The following SLC5A1 variants were observed in gnomAD, a reference collection of about 807,000 sequenced individuals.
SLC5A1 encodes the protein sodium/glucose cotransporter 1.
A neutral mutation model predicts 73.5 loss-of-function variants in SLC5A1; 42 were observed. The ratio of observed to expected loss-of-function variants is 0.57; its 90% CI spans 0.45 to 0.74. The LOEUF (loss-of-function observed/expected upper bound fraction) is 0.74, where lower values mean the gene tolerates loss of function less well. SLC5A1 is among the 30% of genes least tolerant of loss of function. SLC5A1 has a pLI of 0.00. For synonymous variants in SLC5A1, 300 were observed against 317.4 expected (o/e 0.95, Z 0.58); for missense variants, 634 against 855.4 (o/e 0.74, Z 3.23).
intron 2 of SLC5A1, among the ~76,000 whole-genome samples, chr22:32,056,878 C>T (rs1037114714): frequency 2.0e-5 from 3 of 152,174 alleles, no homozygotes; most frequent in African/African-American, 7.2e-5. Flanking sequence ...TCAGGGTAAT[C>T]TATAAAAACA....
chr22:32,092,061 C>A (rs2094018783), intron 11 of SLC5A1, among the ~76,000 whole-genome samples: 1 of 152,122 alleles, frequency 6.6e-6, no homozygotes, highest in Non-Finnish European at 1.5e-5. Flanking sequence ...GCATTATACA[C>A]TGAACCCAAT....
At chr22:32,076,163 G>A (rs985436836) in intron 5 of SLC5A1, among the ~76,000 whole-genome samples, 2 of 152,220 alleles carry the variant, frequency 1.3e-5, no homozygotes, top group African/African-American at 4.8e-5. Context: ...TAATGGGAGA[G>A]AGGAGAAAGT....
intron 3 of SLC5A1, among the ~76,000 whole-genome samples, 167 bp downstream of exon 3, chr22:32,067,206 C>CT (rs1967370521): frequency 6.6e-6 from 1 of 152,178 alleles, no homozygotes; most frequent in Non-Finnish European, 1.5e-5. Context: ...GCCCTGCTCC[C>CT]TTTCCACCAG....
intron 5 of SLC5A1, among the ~76,000 whole-genome samples, chr22:32,074,651 A>G (rs1173377896): frequency 6.6e-6 from 1 of 152,142 alleles, no homozygotes; most frequent in Non-Finnish European, 1.5e-5. Context: ...TTATAATTAA[A>G]AACTAACCCT....
rs33915717 is a variant in SLC5A1, at chr22:32,043,324, C to A, written c.43C>A (p.Arg15=). Residue 15 remains arginine, a synonymous_variant, in exon 1 of 15, where the codon CGG becomes AGG. Coordinates refer to ENST00000266088, the MANE Select transcript of SLC5A1 (RefSeq NM_000343.4). The surrounding 1 kb of genome is among the most constrained non-coding windows in gnomAD (Gnocchi z 6.5). ...GAGCCCCAAGACCACCGCGGTCACCCGGCCTGTTGAGACCCACGAGCTCAT... is the reference window on the plus strand; with the variant it reads ...GAGCCCCAAGACCACCGCGGTCACCAGGCCTGTTGAGACCCACGAGCTCAT... The part of the protein sequence containing the change: ...TWSPKTTAVT[R]PVETHELIRN... The A allele has an allele frequency of 1.2e-6, 2 of 1,614,194 alleles. No homozygotes were observed. The highest frequency in any genetic ancestry group is 1.6e-4 in the Middle Eastern group (1 of 6,062).
At chr22:32,088,637 C>T (rs2094012059) in intron 10 of SLC5A1, among the ~76,000 whole-genome samples, 1 of 152,154 alleles carries the variant, frequency 6.6e-6, no homozygotes, top group Non-Finnish European at 1.5e-5. Context: ...CCATGCCCAG[C>T]CTACTGTATT....
intron 3 of SLC5A1, among the ~76,000 whole-genome samples, chr22:32,067,362 TAAA>T (rs765989227): frequency 2.2e-4 from 32 of 147,520 alleles, no homozygotes; most frequent in Non-Finnish European, 2.8e-4. Context: ...TTATTTTTTT[TAAA>T]AAAATTTTTA....
At chr22:32,095,442 T>C (rs760752979) in intron 11 of SLC5A1, among the ~76,000 whole-genome samples, 3 of 152,240 alleles carry the variant, frequency 2.0e-5, no homozygotes, top group South Asian at 4.1e-4. Flanking sequence ...CAGTGGAGTA[T>C]TGAAGTCCTC....
At chr22:32,048,882 C>T (rs1190044090) in intron 1 of SLC5A1, among the ~76,000 whole-genome samples, 1 of 151,870 alleles carries the variant, frequency 6.6e-6, no homozygotes, top group Non-Finnish European at 1.5e-5. Flanking sequence ...ACCAGCCTGG[C>T]CAATATGGTG....
At chr22:32,065,127 TG>T (rs1285493728) in intron 2 of SLC5A1, among the ~76,000 whole-genome samples, 1 of 152,062 alleles carries the variant, frequency 6.6e-6, no homozygotes, top group Non-Finnish European at 1.5e-5. Flanking sequence ...ACATTTTTTT[TG>T]TAGTGGCCGG....
rs148106016 is a variant in SLC5A1, at chr22:32,109,736, G to C, written c.1772-254G>C. Among the ~76,000 whole-genome samples, 160 of 152,296 alleles carry C rather than the reference G, an allele frequency of 1.1e-3. 1 individual carries two copies. The highest frequency in any genetic ancestry group is 3.7e-3 in the African/African-American group (153 of 41,556). On this transcript the variant is annotated intron_variant, in intron 14 of 14. Coordinates refer to ENST00000266088, the MANE Select transcript of SLC5A1 (RefSeq NM_000343.4). Reference sequence around the variant, plus strand: ...ATCAAAATGAATTTGCATTGGGCCTGATAGAGATAAAACTTAGACTAGCTG... The same window carrying C: ...ATCAAAATGAATTTGCATTGGGCCTCATAGAGATAAAACTTAGACTAGCTG...
chr22:32,077,786 T>C (rs991274067), intron 5 of SLC5A1, among the ~76,000 whole-genome samples: 3 of 152,196 alleles, frequency 2.0e-5, no homozygotes, highest in Admixed American at 6.5e-5. Flanking sequence ...GTCTTGAACT[T>C]GGTGTGGATT....
chr22:32,055,341 G>T (rs2093950222), intron 2 of SLC5A1, among the ~76,000 whole-genome samples: 1 of 152,156 alleles, frequency 6.6e-6, no homozygotes, highest in Non-Finnish European at 1.5e-5. Context: ...GAATATAGGA[G>T]CTCCATCTGA....
rs2093943386 is a variant in SLC5A1, at chr22:32,050,137, G to A, written c.207+123G>A. 2.8e-5 allele frequency: 24 copies of A among 867,250 alleles called. 1 individual carries two copies. The South Asian group carries it at 3.2e-4, about 11-fold the overall frequency. 53.7% of individuals were successfully genotyped at this position (867,250 alleles called of 1,614,324 possible). A position where few individuals can be genotyped will look rare whatever the true frequency, so the allele number is the denominator to read the frequency against. ...ATTCAAGGATCCCAACCAGATTCTT[G>A]ACAGTGAGTCTCATGCTCATCGGGT... On this transcript the variant is annotated intron_variant, in intron 2 of 14. Coordinates refer to ENST00000266088, the MANE Select transcript of SLC5A1 (RefSeq NM_000343.4).
At chr22:32,097,639 TGAA>T (rs1177145064) in intron 11 of SLC5A1, among the ~76,000 whole-genome samples, 5 of 152,244 alleles carry the variant, frequency 3.3e-5, no homozygotes, top group South Asian at 4.1e-4. Context: ...TCCATTATTA[TGAA>T]GAAGAAGACA....
At chr22:32,091,221 T>C (rs935297834) in intron 10 of SLC5A1, among the ~76,000 whole-genome samples, 1 of 151,992 alleles carries the variant, frequency 6.6e-6, no homozygotes, top group Admixed American at 6.6e-5. Flanking sequence ...ATAGTTTAAA[T>C]CTCTTTCTGT....
In SLC5A1 at chr22:32,091,622, C is replaced by A. The variant is rs771028427; in HGVS notation, c.1140C>A (p.Gly380=). 1 of 1,614,122 alleles carries A rather than the reference C, an allele frequency of 6.2e-7. No homozygotes were observed. Among genetic ancestry groups the A allele is most frequent in the Non-Finnish European group, 8.5e-7 (1 of 1,179,990 alleles). Residue 380 remains glycine, a synonymous_variant, in exon 11 of 15, where the codon GGC becomes GGA. Transcript: ENST00000266088. ...VVELMPNGLR[G]LMLSVMLASL... ...ATCCTTCTCTTCCAGGACTGCGAGG[C>A]CTGATGCTATCAGTCATGCTGGCCT...
chr22:32,108,897 T>C (rs2094051101), intron 14 of SLC5A1, among the ~76,000 whole-genome samples: 1 of 152,174 alleles, frequency 6.6e-6, no homozygotes, highest in Admixed American at 6.5e-5. Context: ...TCTGTGATGC[T>C]GGCCATGGTG....
rs2094056156 is a variant in SLC5A1, at chr22:32,111,129, T to G, written c.*916T>G. ...ATGACTTGGGATGCATTTGTCAAAC[T>G]GATTATATTAGTTTTCTAGGGATGC... is the stretch of plus-strand genomic sequence containing the variant. On this transcript the variant is annotated 3_prime_UTR_variant, in exon 15 of 15. Transcript: ENST00000266088. The G allele has an allele frequency of 6.6e-6, 1 of 152,194 alleles. No homozygotes were observed. 9.4% of individuals were successfully genotyped at this position (152,194 alleles called of 1,614,324 possible). A position where few individuals can be genotyped will look rare whatever the true frequency, so the allele number is the denominator to read the frequency against.
Sources: allele counts gnomAD v4.1 joint callset (sites outside exome capture counted in the v4.1 genomes callset), GRCh38; gene constraint gnomAD v4.1.1; non-coding constraint Gnocchi (gnomAD v3.1); transcripts MANE v1.5; gene names NCBI Gene and HGNC (gene_info 2026-07-23, HGNC 2026-07-21).